FAM13A: variants seen among roughly 807,000 people sequenced by gnomAD.
FAM13A encodes protein FAM13A.
A neutral mutation model predicts 129.6 loss-of-function variants in FAM13A; 76 were observed. The ratio of observed to expected loss-of-function variants is 0.59; its 90% CI spans 0.49 to 0.71. The LOEUF (loss-of-function observed/expected upper bound fraction) is 0.71. Ranked by LOEUF, FAM13A falls within the 30% of genes least tolerant of loss-of-function variation. The probability of loss-of-function intolerance (pLI) is 0.00; values close to 1 mark genes in which losing one functional copy is unlikely to be tolerated. For missense variants in FAM13A, 1,108 were observed against 1,249.3 expected, an observed-to-expected ratio of 0.89 and a Z score of 1.70; for synonymous variants, 443 against 449.9, an observed-to-expected ratio of 0.98 and a Z score of 0.20.
intron 4 of FAM13A, among the ~76,000 whole-genome samples, chr4:88,971,165 C>G (rs1760032470): frequency 6.6e-6 from 1 of 152,122 alleles, no homozygotes; most frequent in African/African-American, 2.4e-5. Flanking sequence ...TTGCAGAGAG[C>G]CGAGATCGCG....
At chr4:88,779,623 C>T (rs1473582613) in intron 11 of FAM13A, among the ~76,000 whole-genome samples, 3 of 152,184 alleles carry the variant, frequency 2.0e-5, no homozygotes, top group South Asian at 2.1e-4. Context: ...TCCTGGAATG[C>T]GGAAACTGGC....
chr4:88,750,666 C>T, intron 14 of FAM13A, 29 bp from the exon 15 acceptor site: 1 of 1,546,472 alleles, frequency 6.5e-7, no homozygotes, highest in Non-Finnish European at 8.9e-7. Context: ...AAGATCAGGA[C>T]TGTTCCTGAA....
intron 1 of FAM13A, among the ~76,000 whole-genome samples, chr4:89,051,908 C>T (rs1228197511): frequency 6.6e-6 from 1 of 152,212 alleles, no homozygotes; most frequent in Non-Finnish European, 1.5e-5. Flanking sequence ...CACATCTTTG[C>T]TGGGCAGAGG....
At chr4:88,977,404 C>T (rs2148972205) in intron 4 of FAM13A, among the ~76,000 whole-genome samples, 1 of 152,218 alleles carries the variant, frequency 6.6e-6, no homozygotes, top group Admixed American at 6.5e-5. Flanking sequence ...GAAGAGTTCA[C>T]ATATTCTAAA....
intron 6 of FAM13A, among the ~76,000 whole-genome samples, chr4:88,905,499 T>C (rs1475652917): frequency 6.6e-6 from 1 of 152,150 alleles, no homozygotes; most frequent in African/African-American, 2.4e-5. Context: ...TATTATCACA[T>C]CCCAGGTATT....
At chr4:88,985,202 T>C (rs947124812) in intron 4 of FAM13A, among the ~76,000 whole-genome samples, 1 of 152,158 alleles carries the variant, frequency 6.6e-6, no homozygotes, top group Non-Finnish European at 1.5e-5. Context: ...GAACACATAT[T>C]GTATGATTAC....
chr4:88,954,526 T>C (rs1471212674), intron 4 of FAM13A, among the ~76,000 whole-genome samples: 1 of 152,138 alleles, frequency 6.6e-6, no homozygotes, highest in Non-Finnish European at 1.5e-5. Context: ...AGAGGATAAA[T>C]GTTAACAGGC....
chr4:88,878,176 G>A (rs922662821), intron 6 of FAM13A, among the ~76,000 whole-genome samples: 62 of 150,688 alleles, frequency 4.1e-4, no homozygotes, highest in Non-Finnish European at 8.8e-5. Flanking sequence ...TGTAGTCCCA[G>A]CTACAGGAGG....
At position 88,782,063 on chromosome 4, in the gene FAM13A, A is replaced by G. The variant is rs1255917697; in HGVS notation, c.1272-712T>C. ...ATTTCAATCTCATTGAATTATTAAT[A>G]GATAATCTTAGTAGAAATTATATAA... On this transcript the variant is annotated intron_variant, in intron 10 of 23. Transcript: ENST00000264344. Among the ~76,000 whole-genome samples, 7 of 152,066 alleles carry G rather than the reference A, an allele frequency of 4.6e-5. No individual in the cohort carries two copies. In the East Asian group the frequency reaches 1.3e-3, roughly 29 times the overall value.
chr4:89,019,439 G>A (rs1449029528), intron 3 of FAM13A, among the ~76,000 whole-genome samples: 1 of 152,090 alleles, frequency 6.6e-6, no homozygotes, highest in Admixed American at 6.5e-5. Flanking sequence ...ACTCAATAAT[G>A]ACTATGCCTA....
At position 88,936,048 on chromosome 4, in the gene FAM13A, C is replaced by T. The variant is rs57961088; in HGVS notation, c.759+2040G>A. On this transcript the variant is annotated intron_variant, in intron 5 of 23. Transcript: ENST00000264344. ...ATCTGAAACTTACATTAAAAGAGCA[C>T]CATTTTATATTCTTCTTCATCTACC... 2.1e-3 allele frequency among the ~76,000 whole-genome samples: 318 copies of T among 152,280 alleles called. 1 individual carries two copies. The highest frequency in any genetic ancestry group is 7.2e-3 in the African/African-American group (301 of 41,558).
intron 10 of FAM13A, among the ~76,000 whole-genome samples, chr4:88,783,339 G>A (rs905807148): frequency 3.3e-5 from 5 of 151,126 alleles, no homozygotes; most frequent in South Asian, 2.1e-4. Context: ...TTGCTCTGTC[G>A]CCCAGGCTGG....
intron 5 of FAM13A, among the ~76,000 whole-genome samples, chr4:88,935,995 A>C (rs1358974450): frequency 6.6e-6 from 1 of 152,224 alleles, no homozygotes; most frequent in Non-Finnish European, 1.5e-5. Context: ...GTAGTTTCTA[A>C]TCATGACATT....
intron 3 of FAM13A, among the ~76,000 whole-genome samples, chr4:88,992,366 A>G (rs1055414200): frequency 6.6e-6 from 1 of 151,780 alleles, no homozygotes; most frequent in African/African-American, 2.4e-5. Flanking sequence ...TCCTGGGTTC[A>G]AGCGATTCTC....
At chr4:88,818,882 G>C (rs1013398848) in intron 7 of FAM13A, among the ~76,000 whole-genome samples, 5 of 152,156 alleles carry the variant, frequency 3.3e-5, no homozygotes, top group African/African-American at 1.2e-4. Flanking sequence ...AAACTCACAA[G>C]CTGGCCCAAC....
chr4:89,008,395 C>T (rs1269934737), intron 3 of FAM13A, among the ~76,000 whole-genome samples: 5 of 152,128 alleles, frequency 3.3e-5, no homozygotes, highest in Non-Finnish European at 7.4e-5. Context: ...CAAAAGGCTA[C>T]GTGAGGACAC....
At chr4:88,899,405 G>A (rs1174524064) in intron 6 of FAM13A, among the ~76,000 whole-genome samples, 1 of 151,820 alleles carries the variant, frequency 6.6e-6, no homozygotes, top group African/African-American at 2.4e-5. Context: ...GGTGATAAGT[G>A]AACCAAAATC....
At chr4:88,875,310 G>C (rs992494397) in intron 6 of FAM13A, among the ~76,000 whole-genome samples, 2 of 152,158 alleles carry the variant, frequency 1.3e-5, no homozygotes, top group Non-Finnish European at 2.9e-5. Context: ...TTAAACTAAA[G>C]AGCTTCTGCA....
intron 4 of FAM13A, among the ~76,000 whole-genome samples, chr4:88,984,646 T>A (rs1477276784): frequency 6.6e-6 from 1 of 152,136 alleles, no homozygotes; most frequent in Non-Finnish European, 1.5e-5. Context: ...GTAGAGAAAC[T>A]GGTTCGCCCA....
Sources: gnomAD v4.1 joint callset for allele counts (sites outside exome capture counted in the v4.1 genomes callset) on GRCh38, gnomAD v4.1.1 for gene constraint, MANE v1.5 for transcripts, NCBI Gene and HGNC (gene_info 2026-07-23, HGNC 2026-07-21) for gene names.